The following PTP4A2 variants were observed in gnomAD, a reference collection of about 807,000 sequenced individuals.
PTP4A2 encodes protein tyrosine phosphatase type IVA 2.
PTP4A2 carries 2 observed loss-of-function variants against 22.9 expected under a neutral mutation model. The observed-to-expected ratio is 0.09, with a 90% CI of 0.04 to 0.27. PTP4A2 has a LOEUF of 0.27. Among genes scored for constraint, PTP4A2 ranks in the 10% least tolerant of loss-of-function variants. PTP4A2 has a pLI of 1.00. For synonymous variants in PTP4A2, 68 were observed against 69.1 expected, an observed-to-expected ratio of 0.98 and a Z score of 0.08; for missense variants, 103 against 205.1, an observed-to-expected ratio of 0.50 and a Z score of 3.04.
chr1:31,927,111 A>G (rs900904381), intron 1 of PTP4A2, among the ~76,000 whole-genome samples: 14 of 152,242 alleles, frequency 9.2e-5, no homozygotes, highest in African/African-American at 3.4e-4. Flanking sequence ...TTATTCAGAA[A>G]ATGATGCCTC....
At chr1:31,917,379 T>C (rs1651902583) in intron 2 of PTP4A2, among the ~76,000 whole-genome samples, 1 of 152,216 alleles carries the variant, frequency 6.6e-6, no homozygotes, top group South Asian at 2.1e-4. Flanking sequence ...ACTTCATTTT[T>C]CACAAAAAGG....
At chr1:31,918,645 T>C (rs1651982147) in intron 2 of PTP4A2, among the ~76,000 whole-genome samples, 1 of 152,258 alleles carries the variant, frequency 6.6e-6, no homozygotes, top group Non-Finnish European at 1.5e-5. Flanking sequence ...ACACTGCTCG[T>C]TGCATAATGT....
At position 31,908,860 on chromosome 1, in the gene PTP4A2, C is replaced by T. The variant is rs201098063; in HGVS notation, c.496G>A (p.Val166Ile). The change falls in exon 6 of 6, where the codon GTT becomes ATT. Residue 166 changes from valine (V) to isoleucine (I), a missense_variant. By Grantham distance (29) the Val-to-Ile change is conservative (BLOSUM62 3). Transcript: ENST00000647444. Reference protein sequence around the residue: ...RFRDTNGHCCVQ With the variant: ...RFRDTNGHCCIQ ...TTCGTTTACATTTCCTTCTACTGAA[C>T]ACAGCAATGCCCATTGGTATCTCTG... is the stretch of plus-strand genomic sequence containing the variant. 2 of 1,610,310 alleles carry T rather than the reference C, an allele frequency of 1.2e-6. No homozygotes were observed. The highest frequency in any genetic ancestry group is 1.7e-6 in the Non-Finnish European group (2 of 1,177,540).
chr1:31,923,334 T>TC (rs1396908426), intron 1 of PTP4A2, among the ~76,000 whole-genome samples: 2 of 131,892 alleles, frequency 1.5e-5, no homozygotes, highest in Admixed American at 1.5e-4. Flanking sequence ...AACCTCTTTT[T>TC]TTTTTTTTTT....
rs1557858884 is a variant in PTP4A2 at position 31,908,140 on chromosome 1, T to TATA, written c.*711_*712insTAT. ...TATATATATATATATATATATTATATTATATATATATATATATATATATAT... is the reference window on the plus strand; with the variant it reads ...TATATATATATATATATATATTATATATATATATATATATATATATATATATAT... On this transcript the variant is annotated 3_prime_UTR_variant, in exon 6 of 6. Transcript: ENST00000647444. The TATA allele has an allele frequency of 4.7e-3, 2 of 424 alleles. 1 individual carries two copies. 0.0% of individuals were successfully genotyped at this position (424 alleles called of 1,614,324 possible).
At chr1:31,915,726 G>T in intron 3 of PTP4A2, 169 bp downstream of exon 3, 1 of 545,798 alleles carries the variant, frequency 1.8e-6, no homozygotes, top group Non-Finnish European at 3.3e-6. Flanking sequence ...TATCTGTACA[G>T]ATGAGATCTC....
intron 1 of PTP4A2, among the ~76,000 whole-genome samples, chr1:31,922,228 T>TA (rs1289177713): frequency 1.3e-5 from 2 of 152,232 alleles, no homozygotes; most frequent in Non-Finnish European, 1.5e-5. Flanking sequence ...CTCACGCCTG[T>TA]ATCTCAGCAC....
At position 31,907,716 on chromosome 1, in the gene PTP4A2, T is replaced by C. The variant is rs954108222; in HGVS notation, c.*1136A>G. On this transcript the variant is annotated 3_prime_UTR_variant, in exon 6 of 6. Transcript: ENST00000647444. ...AATTTGCTGCTGCTCCTTTGACGGT[T>C]CCTGAAAATTCAGAGTACAAGTCCT... 1 of 152,130 alleles carries C rather than the reference T, an allele frequency of 6.6e-6. No individual in the cohort carries two copies. Among genetic ancestry groups the C allele is most frequent in the Non-Finnish European group, 1.5e-5 (1 of 68,024 alleles). The allele number at this position is 152,130 out of a possible 1,614,324, so 9.4% of individuals were successfully genotyped here.
intron 5 of PTP4A2, among the ~76,000 whole-genome samples, chr1:31,909,660 A>G (rs190608227): frequency 6.6e-6 from 1 of 151,606 alleles, no homozygotes; most frequent in Non-Finnish European, 1.5e-5. Context: ...CAACAGAGCG[A>G]GACTCCATCT....
chr1:31,914,869 C>T (rs1557862256), intron 3 of PTP4A2, among the ~76,000 whole-genome samples: 1 of 152,098 alleles, frequency 6.6e-6, no homozygotes, highest in East Asian at 1.9e-4. Flanking sequence ...TTGAGCTAGA[C>T]AAAAAATCTA....
At chr1:31,915,183 A>G (rs535072144) in intron 3 of PTP4A2, among the ~76,000 whole-genome samples, 4 of 152,376 alleles carry the variant, frequency 2.6e-5, no homozygotes, top group African/African-American at 9.6e-5. Flanking sequence ...TGTTAAAATA[A>G]GAGCACACTA....
In PTP4A2 at chr1:31,913,763, T is replaced by C. The variant is rs1326389683; in HGVS notation, c.190-1937A>G. On this transcript the variant is annotated intron_variant, in intron 3 of 5. Transcript: ENST00000647444. ...AAACTAGTTCAAGTTCTTTAGTTCA[T>C]TTCTATTTCACAAAGATGTTTACCA... The C allele has an allele frequency of 1.1e-5, 5 of 455,560 alleles. No homozygotes were observed. In the East Asian group the frequency reaches 2.1e-4, roughly 19 times the overall value. The allele number at this position is 455,560 out of a possible 1,614,324, so 28.2% of individuals were successfully genotyped here.
At chr1:31,928,181 ATATAT>A (rs902384320) in intron 1 of PTP4A2, among the ~76,000 whole-genome samples, 187 of 147,178 alleles carry the variant, frequency 1.3e-3, no homozygotes, top group African/African-American at 3.9e-3. Context: ...TATAACAAAT[ATATAT>A]TATAACATAT....
rs534474917 is a variant in PTP4A2 at position 31,909,621 on chromosome 1, G to A, written c.395+417C>T. Among the ~76,000 whole-genome samples the A allele has an allele frequency of 1.3e-4, 19 of 151,392 alleles. No individual in the cohort carries two copies. The East Asian group carries it at 1.7e-3, about 14-fold the overall frequency. On this transcript the variant is annotated intron_variant, in intron 5 of 5. Transcript: ENST00000647444. Reference sequence around the variant, plus strand: ...CAGGAGGCAGAGGTTGCAGTGAGCCGAGATTGAGCCACTGCACTCCAGCTT... The same window carrying A: ...CAGGAGGCAGAGGTTGCAGTGAGCCAAGATTGAGCCACTGCACTCCAGCTT...
rs1651257515 is a variant in PTP4A2, at chr1:31,907,790, T to C, written c.*1062A>G. 6.6e-6 allele frequency: 1 copy of C among 151,776 alleles called. No homozygotes were observed. The highest frequency in any genetic ancestry group is 1.5e-5 in the Non-Finnish European group (1 of 67,958). The allele number at this position is 151,776 out of a possible 1,614,324, so 9.4% of individuals were successfully genotyped here. On this transcript the variant is annotated 3_prime_UTR_variant, in exon 6 of 6. Coordinates refer to ENST00000647444, the MANE Select transcript of PTP4A2 (RefSeq NM_080391.4). ...GCATTCTCTGATACTAGACAGAAAA[T>C]CAGAGTAACGCTACAGCCCACAATT...
At chr1:31,936,909 GGACA>G (rs1481730118) in intron 1 of PTP4A2, among the ~76,000 whole-genome samples, 24 of 152,222 alleles carry the variant, frequency 1.6e-4, no homozygotes, top group Admixed American at 9.2e-4. Flanking sequence ...TGGCGACTCC[GGACA>G]GACAAACATT....
intron 1 of PTP4A2, among the ~76,000 whole-genome samples, chr1:31,927,603 G>A (rs746759196): frequency 6.6e-6 from 1 of 152,180 alleles, no homozygotes; most frequent in African/African-American, 2.4e-5. Flanking sequence ...TACAAAAATG[G>A]TAAGGGTGGA....
chr1:31,909,949 C>A, intron 5 of PTP4A2, 89 bp downstream of exon 5: 2 of 1,196,548 alleles, frequency 1.7e-6, no homozygotes, highest in South Asian at 1.3e-5. Context: ...CAAATTATCC[C>A]ATACTATAAA....
intron 1 of PTP4A2, chr1:31,933,838 C>T (rs966132969): frequency 6.6e-6 from 1 of 152,198 alleles, no homozygotes; most frequent in African/African-American, 2.4e-5. Flanking sequence ...TGAGACAATA[C>T]ATGATTTGGC....
Sources: gnomAD v4.1 joint callset for allele counts (sites outside exome capture counted in the v4.1 genomes callset) on GRCh38, gnomAD v4.1.1 for gene constraint, MANE v1.5 for transcripts, NCBI Gene and HGNC (gene_info 2026-07-23, HGNC 2026-07-21) for gene names.